The following TMEM164 variants were observed in gnomAD, a reference collection of about 807,000 sequenced individuals.
The protein encoded by TMEM164 is RP13-360B22.2.
In TMEM164, 4 loss-of-function variants were observed where a neutral mutation model predicts 18.8. That is an observed-to-expected ratio of 0.21 (90% CI 0.10 to 0.49). TMEM164 has a LOEUF of 0.49. Among genes scored for constraint, TMEM164 ranks in the 20% least tolerant of loss-of-function variants. TMEM164 has a pLI of 0.98. For synonymous variants in TMEM164, 86 were observed against 101.7 expected, an observed-to-expected ratio of 0.85 and a Z score of 0.93; for missense variants, 108 against 239.9, an observed-to-expected ratio of 0.45 and a Z score of 3.63.
chrX:110,046,105 A>G lies in TMEM164; in HGVS notation c.391-21242A>G, dbSNP rs749113206. The G allele has an allele frequency of 1.3e-4, 98 of 753,206 alleles. No individual in the cohort carries two copies. In the African/African-American group the frequency reaches 1.8e-3, roughly 14 times the overall value. The allele number at this position is 753,206 out of a possible 1,213,427, so 62.1% of individuals were successfully genotyped here. ...CAGTTGGTTTACATTTAAGGCTGAC[A>G]TGAAGTGCTGAAGACTATTCTAGGT... On this transcript the variant is annotated intron_variant, in intron 2 of 6. Coordinates refer to ENST00000372068, the MANE Select transcript of TMEM164 (RefSeq NM_032227.4).
intron 3 of TMEM164, among the ~76,000 whole-genome samples, chrX:110,103,034 A>C (rs1008473873): frequency 8.9e-6 from 1 of 112,606 alleles, no homozygotes; most frequent in African/African-American, 3.2e-5. Context: ...CTAGAAGAGA[A>C]TCAAAACCAT....
At chrX:110,051,474 T>C (rs1229003244) in intron 2 of TMEM164, among the ~76,000 whole-genome samples, 2 of 110,488 alleles carry the variant, frequency 1.8e-5, no homozygotes, top group Non-Finnish European at 3.8e-5. Flanking sequence ...TTCTGTACCT[T>C]AGTTTTACCT....
intron 2 of TMEM164, chrX:110,046,487 A>C: frequency 1.3e-6 from 1 of 754,292 alleles, no homozygotes; most frequent in Non-Finnish European, 1.6e-6. Context: ...CAGGAGAGGT[A>C]AGGAGGCTGA....
At chrX:110,128,385 G>C (rs2066564934) in intron 4 of TMEM164, among the ~76,000 whole-genome samples, 1 of 112,532 alleles carries the variant, frequency 8.9e-6, no homozygotes, top group South Asian at 3.7e-4. Context: ...TTTATCCTCT[G>C]TTGTTGCTTT....
chrX:110,119,981 A>G (rs952298115), intron 4 of TMEM164, among the ~76,000 whole-genome samples: 1 of 111,984 alleles, frequency 8.9e-6, no homozygotes, highest in Admixed American at 9.5e-5. Flanking sequence ...ATTGACCAAC[A>G]CTGCCTTTGT....
At chrX:110,102,580 A>G (rs2066128443) in intron 3 of TMEM164, among the ~76,000 whole-genome samples, 1 of 112,010 alleles carries the variant, frequency 8.9e-6, no homozygotes, top group Admixed American at 9.5e-5. Context: ...ATAATGTGAT[A>G]TTCATTTACA....
chrX:110,145,374 C>A (rs1441185809), intron 5 of TMEM164, among the ~76,000 whole-genome samples: 1 of 111,362 alleles, frequency 9.0e-6, no homozygotes, highest in East Asian at 2.8e-4. Context: ...GTAAAATAAA[C>A]CACTGAAAAC....
intron 2 of TMEM164, among the ~76,000 whole-genome samples, chrX:110,009,391 T>C (rs1932899055): frequency 8.9e-6 from 1 of 112,703 alleles, no homozygotes; most frequent in Non-Finnish European, 1.9e-5. Flanking sequence ...TGTTGGGCTC[T>C]TTAATGAATA....
intron 3 of TMEM164, among the ~76,000 whole-genome samples, chrX:110,084,479 G>GTATATATATATATAT (rs1569321159): frequency 3.7e-5 from 1 of 27,040 alleles, no homozygotes; most frequent in African/African-American, 1.8e-4. Context: ...TATATATATA[G>GTATATATATATATAT]AGAGAGAGAG....
rs1387164403 is a variant in TMEM164, at chrX:110,176,792, T to C, written c.*3341T>C. ...AAAAAGACTTCCTTGGATTTGTAGA[T>C]GTTGACCCAGAGTCCTCTGTCCCCT... is the stretch of plus-strand genomic sequence containing the variant. On this transcript the variant is annotated 3_prime_UTR_variant, in exon 7 of 7. Coordinates refer to ENST00000372068, the MANE Select transcript of TMEM164 (RefSeq NM_032227.4). The C allele has an allele frequency of 8.9e-6, 1 of 111,868 alleles. No individual in the cohort carries two copies. Among genetic ancestry groups the C allele is most frequent in the Admixed American group, 9.4e-5 (1 of 10,670 alleles). 9.2% of individuals were successfully genotyped at this position (111,868 alleles called of 1,213,427 possible). A position where few individuals can be genotyped will look rare whatever the true frequency, so the allele number is the denominator to read the frequency against.
intron 5 of TMEM164, among the ~76,000 whole-genome samples, chrX:110,145,839 T>C (rs751058737): frequency 4.0e-4 from 45 of 111,868 alleles, no homozygotes; most frequent in African/African-American, 1.4e-3. Context: ...TGGTGTGAGA[T>C]AGCCCCAAGG....
chrX:110,133,633 C>CAGTA (rs936236970), intron 4 of TMEM164, among the ~76,000 whole-genome samples: 7 of 111,959 alleles, frequency 6.3e-5, no homozygotes, highest in Non-Finnish European at 1.3e-4. Context: ...CCATAAGAGT[C>CAGTA]AGTAAGTATT....
intron 2 of TMEM164, among the ~76,000 whole-genome samples, chrX:110,052,900 A>G (rs1169661814): frequency 9.1e-6 from 1 of 109,653 alleles, no homozygotes; most frequent in Non-Finnish European, 1.9e-5. Flanking sequence ...ACAGGCATGC[A>G]CCACCATGCC....
At chrX:110,146,623 G>A (rs982337815) in intron 5 of TMEM164, among the ~76,000 whole-genome samples, 1 of 111,679 alleles carries the variant, frequency 9.0e-6, no homozygotes, top group Non-Finnish European at 1.9e-5. Flanking sequence ...TTTACTCCAG[G>A]ACCTCAATGA....
intron 2 of TMEM164, among the ~76,000 whole-genome samples, chrX:110,044,707 T>A: frequency 9.9e-6 from 1 of 100,531 alleles, no homozygotes; most frequent in South Asian, 5.4e-4. Flanking sequence ...TGCCTTGGCC[T>A]CCCAAAGTGC....
chrX:110,019,445 G>C (rs909110438), intron 2 of TMEM164, among the ~76,000 whole-genome samples: 5 of 111,143 alleles, frequency 4.5e-5, no homozygotes, highest in African/African-American at 9.8e-5. Flanking sequence ...GCAGCCTTGT[G>C]ATTGATCTTC....
At chrX:110,173,175 G>A (rs759183237) in intron 6 of TMEM164, 70 bp from the exon 7 acceptor site, 57 of 1,090,491 alleles carry the variant, frequency 5.2e-5, no homozygotes, top group Non-Finnish European at 7.1e-5. Context: ...GGTAGAGATG[G>A]CTGAACTGGC....
intron 4 of TMEM164, among the ~76,000 whole-genome samples, chrX:110,129,395 C>T (rs1474480056): frequency 8.9e-6 from 1 of 112,047 alleles, no homozygotes; most frequent in Non-Finnish European, 1.9e-5. Flanking sequence ...GACCTTTGTC[C>T]CCCATCCCTT....
Position 110,003,709 on chromosome X carries a change from C to A in TMEM164, c.-66C>A. The A allele has an allele frequency of 8.9e-7, 1 of 1,128,854 alleles. No homozygotes were observed. The highest frequency in any genetic ancestry group is 1.2e-6 in the Non-Finnish European group (1 of 852,050). The allele number at this position is 1,128,854 out of a possible 1,213,427, so 93.0% of individuals were successfully genotyped here. A position where few individuals can be genotyped will look rare whatever the true frequency, so the allele number is the denominator to read the frequency against. On this transcript the variant is annotated 5_prime_UTR_variant, in exon 2 of 7. Coordinates refer to ENST00000372068, the MANE Select transcript of TMEM164 (RefSeq NM_032227.4). ...CTTACATGGTCCACCACCCGGGCAA[C>A]CCTCTGGGCTTGTGTTCCATCTCAC...
Sources: gnomAD v4.1 joint callset for allele counts (sites outside exome capture counted in the v4.1 genomes callset) on GRCh38, gnomAD v4.1.1 for gene constraint, MANE v1.5 for transcripts, NCBI Gene and HGNC (gene_info 2026-07-23, HGNC 2026-07-21) for gene names.